SLC44A5: variants seen among roughly 807,000 people sequenced by gnomAD.
SLC44A5 encodes solute carrier family 44 member 5.
SLC44A5 carries 57 observed loss-of-function variants against 101.8 expected under a neutral mutation model. That is an observed-to-expected ratio of 0.56 (90% CI 0.45 to 0.70). The LOEUF (loss-of-function observed/expected upper bound fraction) is 0.70, where lower values mean the gene tolerates loss of function less well. Among genes scored for constraint, SLC44A5 ranks in the 30% least tolerant of loss-of-function variants. The pLI is 0.00. For synonymous variants in SLC44A5, 281 were observed against 290.9 expected (o/e 0.97, Z 0.35); for missense variants, 737 against 853.1 (o/e 0.86, Z 1.70).
intron 1 of SLC44A5, among the ~76,000 whole-genome samples, chr1:75,599,798 G>A (rs981742886): frequency 2.6e-5 from 4 of 152,070 alleles, no homozygotes; most frequent in Admixed American, 1.3e-4. Context: ...TAGTGTGGTC[G>A]GATCATTAAG....
chr1:75,357,164 G>A (rs2101096910), intron 3 of SLC44A5: 1 of 455,336 alleles, frequency 2.2e-6, no homozygotes, highest in East Asian at 7.0e-5. Context: ...CAGGAATTTA[G>A]AGAAAGAAAA....
chr1:75,270,762 T>C (rs940373453), intron 6 of SLC44A5, among the ~76,000 whole-genome samples: 4 of 152,144 alleles, frequency 2.6e-5, no homozygotes, highest in South Asian at 4.1e-4. Context: ...AGTATCTGTG[T>C]AGTTTCCAAT....
chr1:75,230,558 T>C (rs1647460079), intron 12 of SLC44A5, among the ~76,000 whole-genome samples: 1 of 152,108 alleles, frequency 6.6e-6, no homozygotes. Flanking sequence ...TGTGATTCTA[T>C]CTTTAATTCT....
chr1:75,498,924 C>T (rs1004521655), intron 2 of SLC44A5, among the ~76,000 whole-genome samples: 4 of 152,126 alleles, frequency 2.6e-5, no homozygotes, highest in African/African-American at 7.2e-5. Flanking sequence ...TGCCATGTAA[C>T]GATGTTTTGG....
At chr1:75,543,574 C>T (rs1050075178) in intron 1 of SLC44A5, among the ~76,000 whole-genome samples, 1 of 133,296 alleles carries the variant, frequency 7.5e-6, no homozygotes, top group African/African-American at 2.8e-5. Flanking sequence ...TAGAAAAGTT[C>T]CTATATATAT....
At chr1:75,279,157 T>A (rs1652176453) in intron 5 of SLC44A5, among the ~76,000 whole-genome samples, 1 of 152,124 alleles carries the variant, frequency 6.6e-6, no homozygotes, top group Non-Finnish European at 1.5e-5. Context: ...TTCCTTTGAA[T>A]GGCATATTTG....
intron 2 of SLC44A5, among the ~76,000 whole-genome samples, chr1:75,504,826 A>C (rs1448750586): frequency 1.3e-5 from 2 of 152,048 alleles, no homozygotes; most frequent in African/African-American, 4.8e-5. Flanking sequence ...AGTGTAAATA[A>C]TTATTTCCCT....
the SLC44A5 span, among the ~76,000 whole-genome samples, chr1:75,679,187 T>A: frequency 6.6e-6 from 1 of 152,176 alleles, no homozygotes; most frequent in Non-Finnish European, 1.5e-5. Flanking sequence ...GAAAACACTC[T>A]GCAGGATATT....
At chr1:75,678,883 A>G in the SLC44A5 span, among the ~76,000 whole-genome samples, 1 of 152,178 alleles carries the variant, frequency 6.6e-6, no homozygotes, top group African/African-American at 2.4e-5. Flanking sequence ...AGAAGAATGT[A>G]TAACTAGAAT....
intron 2 of SLC44A5, among the ~76,000 whole-genome samples, chr1:75,464,592 C>A (rs1666708401): frequency 6.6e-6 from 1 of 151,736 alleles, no homozygotes; most frequent in Admixed American, 6.6e-5. Flanking sequence ...ACTCTTCAGT[C>A]AAAATATACT....
intron 3 of SLC44A5, among the ~76,000 whole-genome samples, chr1:75,363,636 T>G (rs1659658730): frequency 1.3e-5 from 2 of 152,208 alleles, no homozygotes; most frequent in South Asian, 4.1e-4. Flanking sequence ...CTCAACAATT[T>G]ATTGTACCTG....
chr1:75,642,195 G>A, the SLC44A5 span: 1 of 600,498 alleles, frequency 1.7e-6, no homozygotes, highest in Non-Finnish European at 2.8e-6. Flanking sequence ...TGACACACAG[G>A]TCTGTGACAG....
intron 4 of SLC44A5, among the ~76,000 whole-genome samples, chr1:75,330,687 C>T (rs1422441783): frequency 1.3e-5 from 2 of 152,064 alleles, no homozygotes; most frequent in Non-Finnish European, 2.9e-5. Context: ...TCCTCTCATC[C>T]TCCAGGAAAA....
At chr1:75,372,496 T>C (rs1419300623) in intron 3 of SLC44A5, among the ~76,000 whole-genome samples, 2 of 151,416 alleles carry the variant, frequency 1.3e-5, no homozygotes, top group African/African-American at 4.9e-5. Context: ...GAAATCATCA[T>C]GACAAAATAA....
rs190193576 is a variant in SLC44A5 at position 75,339,057 on chromosome 1, A to C, written c.101+525T>G. On this transcript the variant is annotated intron_variant, in intron 4 of 23. Coordinates refer to ENST00000370859, the MANE Select transcript of SLC44A5 (RefSeq NM_001130058.2). ...CAGAACCTTGGAGAGGGCAGGAAGCACCAGCTGAGATGAGTACATATTTCC... is the reference window on the plus strand; with the variant it reads ...CAGAACCTTGGAGAGGGCAGGAAGCCCCAGCTGAGATGAGTACATATTTCC... Among the ~76,000 whole-genome samples, 573 of 152,326 alleles carry C rather than the reference A, an allele frequency of 3.8e-3. 1 individual carries two copies. The highest frequency in any genetic ancestry group is 4.5e-3 in the Non-Finnish European group (305 of 68,024).
intron 6 of SLC44A5, among the ~76,000 whole-genome samples, chr1:75,253,056 C>T (rs908491630): frequency 5.3e-5 from 8 of 152,144 alleles, no homozygotes; most frequent in Admixed American, 4.6e-4. Context: ...CAGTTATGTC[C>T]GAGCCACAGT....
At chr1:75,646,130 C>G in the SLC44A5 span, among the ~76,000 whole-genome samples, 1 of 134,826 alleles carries the variant, frequency 7.4e-6, no homozygotes, top group Non-Finnish European at 1.7e-5. Flanking sequence ...TTTTTGGTTC[C>G]ATATGAACTT....
At chr1:75,428,767 T>C (rs1056169141) in intron 2 of SLC44A5, among the ~76,000 whole-genome samples, 10 of 152,116 alleles carry the variant, frequency 6.6e-5, no homozygotes, top group Admixed American at 5.9e-4. Context: ...CTCATAAGAG[T>C]ATGGCAAAGT....
intron 6 of SLC44A5, among the ~76,000 whole-genome samples, chr1:75,261,353 C>G (rs1377613052): frequency 1.3e-5 from 2 of 152,086 alleles, no homozygotes; most frequent in Admixed American, 1.3e-4. Flanking sequence ...ACCGATCCCA[C>G]AGAAATACAA....
Sources: gnomAD v4.1 joint callset for allele counts (sites outside exome capture counted in the v4.1 genomes callset) on GRCh38, gnomAD v4.1.1 for gene constraint, MANE v1.5 for transcripts, NCBI Gene and HGNC (gene_info 2026-07-23, HGNC 2026-07-21) for gene names.